The following TFAP2C variants were observed in gnomAD, a reference collection of about 807,000 sequenced individuals.
The protein encoded by TFAP2C is activating enhancer-binding protein 2 gamma.
In TFAP2C, 9 loss-of-function variants were observed where a neutral mutation model predicts 42.9. That is an observed-to-expected ratio of 0.21 (90% CI 0.13 to 0.37). The LOEUF (loss-of-function observed/expected upper bound fraction) is 0.37, where lower values mean the gene tolerates loss of function less well. TFAP2C is among the 10% of genes least tolerant of loss of function. TFAP2C has a pLI of 1.00. For missense variants in TFAP2C, 462 were observed against 591.7 expected (o/e 0.78, Z 2.27); for synonymous variants, 264 against 256.0 (o/e 1.03, Z -0.30).
chr20:56,637,884 G>T lies in TFAP2C; in HGVS notation c.1224G>T (p.Ala408=). The change falls in exon 7 of 7, where the codon GCG becomes GCT. Residue 408 remains alanine (A), a synonymous_variant. Coordinates refer to ENST00000201031, the MANE Select transcript of TFAP2C (RefSeq NM_003222.4). ...HGFGSQAICA[A]VSALQNYIKE... The stretch of plus-strand genomic sequence containing the variant: ...TTGGCAGCCAGGCCATCTGTGCCGC[G>T]GTGTCTGCCCTGCAGAACTACATCA... 7.5e-6 allele frequency: 12 copies of T among 1,600,374 alleles called. No individual in the cohort carries two copies. The highest frequency in any genetic ancestry group is 1.0e-5 in the Non-Finnish European group (12 of 1,167,458).
Position 56,631,048 on chromosome 20 carries a change from CGCATT to C in TFAP2C, c.49-154_49-150del. ...TTTGCTTACAACGAAATCCTCGGGG[CGCATT>C]GCCCCCGGGTACCTTCCGACCCTGG... On this transcript the variant is annotated intron_variant, in intron 1 of 6. Coordinates refer to ENST00000201031, the MANE Select transcript of TFAP2C (RefSeq NM_003222.4). This position sits in a 1 kb window ranked among gnomAD's most constrained non-coding sequence, Gnocchi z 6.1. 1 of 984,870 alleles carries C rather than the reference CGCATT, an allele frequency of 1.0e-6. No homozygotes were observed. Among genetic ancestry groups the C allele is most frequent in the African/African-American group, 1.7e-5 (1 of 57,356 alleles). 61.0% of individuals were successfully genotyped at this position (984,870 alleles called of 1,614,324 possible).
Position 56,630,410 on chromosome 20 carries a change from G to A in TFAP2C, c.49-795G>A. On this transcript the variant is annotated intron_variant, in intron 1 of 6. Transcript: ENST00000201031. This position sits in a 1 kb window ranked among gnomAD's most constrained non-coding sequence, Gnocchi z 5.1. ...CCGAGACCCCTGGGCAGATGGGGAC[G>A]CATCCTTTAGAAACTGAGTCGGGCC... 2 of 451,454 alleles carry A rather than the reference G, an allele frequency of 4.4e-6. No homozygotes were observed. The highest frequency in any genetic ancestry group is 1.6e-5 in the South Asian group (1 of 63,470). The allele number at this position is 451,454 out of a possible 1,614,324, so 28.0% of individuals were successfully genotyped here. A position where few individuals can be genotyped will look rare whatever the true frequency, so the allele number is the denominator to read the frequency against.
chr20:56,633,297 G>A (rs182731521), intron 3 of TFAP2C, 56 bp from the exon 4 acceptor site: 20 of 1,409,404 alleles, frequency 1.4e-5, no homozygotes, highest in Admixed American at 1.3e-4. Flanking sequence ...TTTTGAAAAG[G>A]TCTCTTTTGC....
In TFAP2C at chr20:56,631,587, G is replaced by T. The variant is rs1237985192; in HGVS notation, c.431G>T (p.Arg144Leu). Reference sequence around the variant, plus strand: ...GTGAGCGCCCGCAGGGATGCCTACCGCCGCTCCGACCTGCTGCTGCCCCAC... The same window carrying T: ...GTGAGCGCCCGCAGGGATGCCTACCTCCGCTCCGACCTGCTGCTGCCCCAC... ...GAVSARRDAYRRSDLLLPHAH... is the reference protein window; with the variant it reads ...GAVSARRDAYLRSDLLLPHAH... The change falls in exon 2 of 7, where the codon CGC becomes CTC. Residue 144 changes from arginine (R) to leucine (L), a missense_variant. Arg to Leu is a moderately radical substitution (Grantham distance 102, BLOSUM62 -2). Transcript: ENST00000201031. This position sits in a 1 kb window ranked among gnomAD's most constrained non-coding sequence, Gnocchi z 6.1. 2 of 1,543,600 alleles carry T rather than the reference G, an allele frequency of 1.3e-6. No homozygotes were observed. Among genetic ancestry groups the T allele is most frequent in the Admixed American group, 3.8e-5 (2 of 52,082 alleles).
chr20:56,632,638 G>A (rs969407375), intron 3 of TFAP2C, among the ~76,000 whole-genome samples: 7 of 152,122 alleles, frequency 4.6e-5, no homozygotes, highest in African/African-American at 1.4e-4. Flanking sequence ...AACTTAGAAC[G>A]TATTAGTTTG....
At chr20:56,634,026 TAG>T (rs1987542683) in intron 4 of TFAP2C, 122 bp from the exon 5 acceptor site, 2 of 698,872 alleles carry the variant, frequency 2.9e-6, no homozygotes, top group African/African-American at 3.6e-5. Flanking sequence ...TCACGTGATG[TAG>T]ATAGTCTTTG....
At position 56,639,027 on chromosome 20, in the gene TFAP2C, A is replaced by G. The variant is rs972363817; in HGVS notation, c.*1014A>G. 3.3e-5 allele frequency: 5 copies of G among 152,604 alleles called. No homozygotes were observed. The highest frequency in any genetic ancestry group is 7.3e-5 in the Non-Finnish European group (5 of 68,040). 9.5% of individuals were successfully genotyped at this position (152,604 alleles called of 1,614,324 possible). On this transcript the variant is annotated 3_prime_UTR_variant, in exon 7 of 7. Coordinates refer to ENST00000201031, the MANE Select transcript of TFAP2C (RefSeq NM_003222.4). ...ACATCATAAGGTTTTATTCATATAT[A>G]TACAGGGTATTAAGAATTAAGAGGA...
intron 5 of TFAP2C, 61 bp downstream of exon 5, chr20:56,634,329 T>G: frequency 8.1e-7 from 1 of 1,228,016 alleles, no homozygotes; most frequent in Non-Finnish European, 1.2e-6. Context: ...TCTTTAATAC[T>G]TATTGCAGAA....
At chr20:56,635,956 T>C (rs1987575565) in intron 5 of TFAP2C, among the ~76,000 whole-genome samples, 1 of 152,240 alleles carries the variant, frequency 6.6e-6, no homozygotes, top group South Asian at 2.1e-4. Flanking sequence ...AAAGTCTGTG[T>C]GTGTTCAGTA....
rs1211003720 is a variant in TFAP2C, at chr20:56,629,388, C to A, written c.-157C>A. 3 of 546,122 alleles carry A rather than the reference C, an allele frequency of 5.5e-6. No homozygotes were observed. The highest frequency in any genetic ancestry group is 3.9e-5 in the African/African-American group (2 of 51,482). The allele number at this position is 546,122 out of a possible 1,614,324, so 33.8% of individuals were successfully genotyped here. A position where few individuals can be genotyped will look rare whatever the true frequency, so the allele number is the denominator to read the frequency against. On this transcript the variant is annotated 5_prime_UTR_variant, in exon 1 of 7. Coordinates refer to ENST00000201031, the MANE Select transcript of TFAP2C (RefSeq NM_003222.4). The surrounding 1 kb of genome is among the most constrained non-coding windows in gnomAD (Gnocchi z 5.9). ...GCGGCAGCATCTACGCTCGCAGAGC[C>A]GCCGATGCGTGTCCAGTGACCCGGA...
At chr20:56,635,968 A>G (rs558740522) in intron 5 of TFAP2C, among the ~76,000 whole-genome samples, 6 of 152,326 alleles carry the variant, frequency 3.9e-5, no homozygotes, top group African/African-American at 1.4e-4. Flanking sequence ...TGTTCAGTAC[A>G]GACACAACCA....
rs147379691 is a variant in TFAP2C, at chr20:56,633,752, G to A, written c.803+183G>A. On this transcript the variant is annotated intron_variant, in intron 4 of 6. Coordinates refer to ENST00000201031, the MANE Select transcript of TFAP2C (RefSeq NM_003222.4). ...CAAATGTGGGAGGAAGTGCTAAAAC[G>A]ACGCTCACAAATTCTCACTTGGTTA... is the stretch of plus-strand genomic sequence containing the variant. Among the ~76,000 whole-genome samples, 10 of 152,268 alleles carry A rather than the reference G, an allele frequency of 6.6e-5. No homozygotes were observed. In the East Asian group the frequency reaches 1.7e-3, roughly 26 times the overall value.
intron 5 of TFAP2C, among the ~76,000 whole-genome samples, chr20:56,635,559 A>T (rs1048754894): frequency 1.3e-5 from 2 of 151,382 alleles, no homozygotes; most frequent in African/African-American, 2.4e-5. Context: ...AGGCACTATT[A>T]AAAAAAAAGT....
Position 56,637,940 on chromosome 20 carries a change from A to G in TFAP2C, c.1280A>G (p.Tyr427Cys), listed in dbSNP as rs1281778289. Residue 427 changes from tyrosine to cysteine, a missense_variant, in exon 7 of 7, where the codon TAC becomes TGC. By Grantham distance (194) the Tyr-to-Cys change is radical. Transcript: ENST00000201031. ...KEALIVIDKSYMNPGDQSPAD... is the reference protein window; with the variant it reads ...KEALIVIDKSCMNPGDQSPAD... ...GCCCTGATTGTCATAGACAAATCCTACATGAACCCTGGAGACCAGAGTCCA... is the reference window on the plus strand; with the variant it reads ...GCCCTGATTGTCATAGACAAATCCTGCATGAACCCTGGAGACCAGAGTCCA... 1.9e-6 allele frequency: 3 copies of G among 1,613,734 alleles called. No homozygotes were observed. Among genetic ancestry groups the G allele is most frequent in the South Asian group, 1.1e-5 (1 of 91,088 alleles).
chr20:56,630,634 A>G lies in TFAP2C; in HGVS notation c.49-571A>G. The G allele has an allele frequency of 2.1e-6, 2 of 952,170 alleles. No individual in the cohort carries two copies. The highest frequency in any genetic ancestry group is 1.3e-6 in the Non-Finnish European group (1 of 799,684). The allele number at this position is 952,170 out of a possible 1,614,324, so 59.0% of individuals were successfully genotyped here. A position where few individuals can be genotyped will look rare whatever the true frequency, so the allele number is the denominator to read the frequency against. ...CCCTCTTCACTTCCCAGGGCGGCGC[A>G]GGGTGGCGGGCCCTGCTTTCCGAGC... On this transcript the variant is annotated intron_variant, in intron 1 of 6. Transcript: ENST00000201031. The surrounding 1 kb of genome is among the most constrained non-coding windows in gnomAD (Gnocchi z 5.1).
intron 3 of TFAP2C, 118 bp from the exon 4 acceptor site, chr20:56,633,235 T>G: frequency 1.4e-6 from 1 of 710,040 alleles, no homozygotes. Flanking sequence ...CAGTTGATCG[T>G]GGGGTGTGCA....
Position 56,631,926 on chromosome 20 carries a change from TG to T in TFAP2C, c.586+75del. ...GGCTTGTGAAGTTGACTGGCAAGGT[TG>T]GGGGTATTTGGTGGCCAGCGTGGGA... On this transcript the variant is annotated intron_variant, in intron 3 of 6. Transcript: ENST00000201031. This position sits in a 1 kb window ranked among gnomAD's most constrained non-coding sequence, Gnocchi z 6.1. 6.4e-7 allele frequency: 1 copy of T among 1,569,046 alleles called. No homozygotes were observed. The highest frequency in any genetic ancestry group is 8.8e-7 in the Non-Finnish European group (1 of 1,139,566).
Position 56,637,720 on chromosome 20 carries a change from CT to C in TFAP2C, c.1068-6del. The C allele has an allele frequency of 6.2e-7, 1 of 1,613,214 alleles. No homozygotes were observed. The highest frequency in any genetic ancestry group is 8.5e-7 in the Non-Finnish European group (1 of 1,179,252). ...GGAACTCATCGAGTCAACTGACTGT[CT>C]TCACAGGCAACTGTGTAAAGAATTC... is the stretch of plus-strand genomic sequence containing the variant. On this transcript the variant is annotated splice_region_variant and splice_polypyrimidine_tract_variant and intron_variant, in intron 6 of 6. Transcript: ENST00000201031.
In TFAP2C at chr20:56,637,679, C is replaced by A. The variant is rs368851871; in HGVS notation, c.1068-49C>A. Reference sequence around the variant, plus strand: ...GTGTAGTTGGTTCTGTGCTCTTGACCTGTAAGGAGCTAGATGGAACTCATC... The same window carrying A: ...GTGTAGTTGGTTCTGTGCTCTTGACATGTAAGGAGCTAGATGGAACTCATC... On this transcript the variant is annotated intron_variant, in intron 6 of 6. Coordinates refer to ENST00000201031, the MANE Select transcript of TFAP2C (RefSeq NM_003222.4). 1,456 of 1,592,386 alleles carry A rather than the reference C, an allele frequency of 9.1e-4. 21 individuals carry two copies. Among genetic ancestry groups the A allele is most frequent in the Admixed American group, 8.9e-4 (53 of 59,336 alleles).
Sources: gnomAD v4.1 joint callset for allele counts (sites outside exome capture counted in the v4.1 genomes callset) on GRCh38, gnomAD v4.1.1 for gene constraint, Gnocchi (gnomAD v3.1) non-coding constraint, MANE v1.5 for transcripts, NCBI Gene and HGNC (gene_info 2026-07-23, HGNC 2026-07-21) for gene names.